The following KLF13 variants were observed in gnomAD, a reference collection of about 807,000 sequenced individuals.
KLF13 encodes the protein KLF transcription factor 13, also known as Krueppel-like factor 13.
A neutral mutation model predicts 16.7 loss-of-function variants in KLF13; 8 were observed. The ratio of observed to expected loss-of-function variants is 0.48; its 90% CI spans 0.28 to 0.87. The LOEUF is 0.87. KLF13 is among the 40% of genes least tolerant of loss of function. The pLI, the probability that KLF13 is intolerant of heterozygous loss-of-function variation, is 0.10. For synonymous variants in KLF13, 245 were observed against 208.4 expected, an observed-to-expected ratio of 1.18 and a Z score of -1.51; for missense variants, 447 against 452.2, an observed-to-expected ratio of 0.99 and a Z score of 0.10.
chr15:31,359,921 C>T (rs1232215804), intron 1 of KLF13, among the ~76,000 whole-genome samples: 1 of 152,184 alleles, frequency 6.6e-6, no homozygotes. Context: ...GCCCTCCACC[C>T]CGCATGTTGT....
At chr15:31,365,878 C>A (rs990345898) in intron 1 of KLF13, among the ~76,000 whole-genome samples, 1 of 152,076 alleles carries the variant, frequency 6.6e-6, no homozygotes, top group African/African-American at 2.4e-5. Context: ...GGAGAGAGAG[C>A]CCCTGCGCCC....
downstream of KLF13, among the ~76,000 whole-genome samples, chr15:31,381,941 G>C (rs1190146889): frequency 6.6e-6 from 1 of 152,220 alleles, no homozygotes; most frequent in Non-Finnish European, 1.5e-5. Context: ...ACGCAGCTGG[G>C]CCTTCAGCTC....
At chr15:31,368,820 T>TTAGATAGATAGATAGATAGATAGATAGA (rs373136224) in intron 1 of KLF13, among the ~76,000 whole-genome samples, 11 of 151,722 alleles carry the variant, frequency 7.3e-5, no homozygotes, top group African/African-American at 2.4e-4. Context: ...CTATCTCAGA[T>TTAGATAGATAGATAGATAGATAGATAGA]TAGATAGATA....
At chr15:31,421,236 C>T (rs543432484) in intron 1 of KLF13, among the ~76,000 whole-genome samples, 2 of 152,124 alleles carry the variant, frequency 1.3e-5, no homozygotes, top group East Asian at 3.9e-4. Flanking sequence ...TGTTTATCCA[C>T]ACTAAATCTA....
At chr15:31,329,310 G>A (rs2038784657) in intron 1 of KLF13, among the ~76,000 whole-genome samples, 1 of 149,946 alleles carries the variant, frequency 6.7e-6, no homozygotes, top group South Asian at 2.1e-4. Context: ...CTCGGCTCCA[G>A]GTGGATCCTG....
At chr15:31,339,958 A>G (rs954668471) in intron 1 of KLF13, 5 of 702,236 alleles carry the variant, frequency 7.1e-6, no homozygotes, top group African/African-American at 7.0e-5. Flanking sequence ...ATTATCTTGT[A>G]AAGAGTCACC....
downstream of KLF13, among the ~76,000 whole-genome samples, chr15:31,378,449 A>G (rs1004794187): frequency 2.0e-5 from 3 of 152,192 alleles, no homozygotes; most frequent in African/African-American, 7.2e-5. Context: ...AGGTGTTGAT[A>G]GCAGAGCCCG....
At chr15:31,391,428 T>TG (rs1251169102), upstream of KLF13, among the ~76,000 whole-genome samples, 35 of 78,582 alleles carry the variant, frequency 4.5e-4, no homozygotes, top group African/African-American at 1.6e-3. Flanking sequence ...GGATCTCTGT[T>TG]GGGGGGCTGT....
downstream of KLF13, among the ~76,000 whole-genome samples, chr15:31,406,658 C>T (rs1160475990): frequency 6.6e-6 from 1 of 152,192 alleles, no homozygotes; most frequent in Non-Finnish European, 1.5e-5. Context: ...GTCAGAAGTC[C>T]TAAAATCAAG....
intron 1 of KLF13, among the ~76,000 whole-genome samples, chr15:31,428,360 A>T (rs1387946889): frequency 6.6e-6 from 1 of 152,202 alleles, no homozygotes; most frequent in Non-Finnish European, 1.5e-5. Context: ...CTTCAATATT[A>T]GGAGGAATTA....
At chr15:31,406,285 G>A (rs1053350033), downstream of KLF13, among the ~76,000 whole-genome samples, 8 of 152,136 alleles carry the variant, frequency 5.3e-5, no homozygotes, top group Middle Eastern at 6.8e-3. Context: ...GAGACCAGCC[G>A]GGCCAACATG....
chr15:31,397,353 C>T (rs1005554619), intron 2 of KLF13, among the ~76,000 whole-genome samples: 1 of 152,224 alleles, frequency 6.6e-6, no homozygotes, highest in East Asian at 1.9e-4. Flanking sequence ...AGAATAATTA[C>T]GAGCCCAGAG....
At position 31,431,816 on chromosome 15, in the gene KLF13, A is replaced by G. The variant is rs1595519117; in HGVS notation, n.118-3554A>G. 2.0e-5 allele frequency among the ~76,000 whole-genome samples: 3 copies of G among 152,230 alleles called. No individual in the cohort carries two copies. In the South Asian group the frequency reaches 6.2e-4, roughly 31 times the overall value. On this transcript the variant is annotated intron_variant and non_coding_transcript_variant, in intron 1 of 1. Coordinates refer to the KLF13 transcript ENST00000558225. ...AGAGAAAGAAGCCAGATCTCAAACC[A>G]TGCAAACACTGCACGATTCAATTTC...
downstream of KLF13, among the ~76,000 whole-genome samples, chr15:31,408,802 G>A (rs1055334618): frequency 4.1e-4 from 62 of 152,052 alleles, no homozygotes; most frequent in Non-Finnish European, 5.9e-5. Flanking sequence ...AAGATCAGGT[G>A]GATAATTCAG....
chr15:31,358,779 T>TGA (rs2039338670), intron 1 of KLF13, among the ~76,000 whole-genome samples: 1 of 152,216 alleles, frequency 6.6e-6, no homozygotes, highest in Non-Finnish European at 1.5e-5. Flanking sequence ...TGCATAGGAA[T>TGA]GTCACCCCTG....
At chr15:31,417,554 T>A (rs1012850388) in intron 1 of KLF13, among the ~76,000 whole-genome samples, 7 of 152,018 alleles carry the variant, frequency 4.6e-5, no homozygotes, top group Non-Finnish European at 8.8e-5. Flanking sequence ...TTTTTCCTTT[T>A]TTTTAAAACA....
intron 1 of KLF13, among the ~76,000 whole-genome samples, chr15:31,339,639 G>A (rs562672690): frequency 1.5e-4 from 23 of 152,372 alleles, no homozygotes; most frequent in Admixed American, 6.5e-4. Flanking sequence ...AGGCTGATGC[G>A]TCTGACTGAG....
At chr15:31,397,878 G>GC (rs1299160807) in intron 2 of KLF13, among the ~76,000 whole-genome samples, 10 of 149,396 alleles carry the variant, frequency 6.7e-5, no homozygotes, top group Admixed American at 2.6e-4. Flanking sequence ...TGGCGGCGGG[G>GC]GGGGTGGTGA....
chr15:31,391,376 C>G (rs1345611688), upstream of KLF13, among the ~76,000 whole-genome samples: 6 of 71,030 alleles, frequency 8.4e-5, no homozygotes, highest in Non-Finnish European at 1.3e-4. Flanking sequence ...GGTGTGGGGT[C>G]TGTGGGGGCT....
Sources: allele counts gnomAD v4.1 joint callset (sites outside exome capture counted in the v4.1 genomes callset), GRCh38; gene constraint gnomAD v4.1.1; transcripts MANE v1.5; gene names NCBI Gene and HGNC (gene_info 2026-07-23, HGNC 2026-07-21).